Variants in GGCX observed in about 807,000 individuals in gnomAD.
GGCX encodes gamma-glutamyl carboxylase.
In GGCX, 63 loss-of-function variants were observed where a neutral mutation model predicts 88.5. The observed-to-expected ratio is 0.71, with a 90% CI of 0.58 to 0.88. The LOEUF is 0.88. Among genes scored for constraint, GGCX ranks in the 40% least tolerant of loss-of-function variants. The pLI, the probability that GGCX is intolerant of heterozygous loss-of-function variation, is 0.00. For missense variants in GGCX, 805 were observed against 932.9 expected, an observed-to-expected ratio of 0.86 and a Z score of 1.79; for synonymous variants, 368 against 365.8, an observed-to-expected ratio of 1.01 and a Z score of -0.07.
intron 14 of GGCX, 120 bp from the exon 15 acceptor site, chr2:85,550,246 C>T (rs1691872563): frequency 2.6e-6 from 2 of 755,514 alleles, no homozygotes; most frequent in Non-Finnish European, 2.3e-6. Context: ...ATGGGAATCT[C>T]CCCCCAAGTG....
At chr2:85,559,386 A>G (rs1300667254) in intron 2 of GGCX, among the ~76,000 whole-genome samples, 2 of 152,214 alleles carry the variant, frequency 1.3e-5, no homozygotes, top group African/African-American at 4.8e-5. Context: ...GGGTCTTGAC[A>G]GCTATAAAGA....
In GGCX at chr2:85,549,247, C is replaced by G. The variant is rs902509089; in HGVS notation, c.*687G>C. 1 of 152,484 alleles carries G rather than the reference C, an allele frequency of 6.6e-6. No homozygotes were observed. The highest frequency in any genetic ancestry group is 1.5e-5 in the Non-Finnish European group (1 of 68,248). 9.4% of individuals were successfully genotyped at this position (152,484 alleles called of 1,614,324 possible). A position where few individuals can be genotyped will look rare whatever the true frequency, so the allele number is the denominator to read the frequency against. ...TATGTCTTCGGGCAAATTATTTTAC[C>G]TCTCAGCCTAATGTAATAATGCAGG... On this transcript the variant is annotated 3_prime_UTR_variant, in exon 15 of 15. Transcript: ENST00000233838.
chr2:85,550,827 A>G (rs1691913064), intron 13 of GGCX, 77 bp from the exon 14 acceptor site: 1 of 1,578,080 alleles, frequency 6.3e-7, no homozygotes, highest in Admixed American at 1.7e-5. Context: ...TCTGCCAGCT[A>G]GAGACTTCAA....
In GGCX at chr2:85,549,827, A is replaced by AC; in HGVS notation, c.*106_*107insG. 1.2e-5 allele frequency: 3 copies of AC among 255,706 alleles called. No homozygotes were observed. The highest frequency in any genetic ancestry group is 1.4e-5 in the Non-Finnish European group (2 of 139,090). The allele number at this position is 255,706 out of a possible 1,614,324, so 15.8% of individuals were successfully genotyped here. A position where few individuals can be genotyped will look rare whatever the true frequency, so the allele number is the denominator to read the frequency against. On this transcript the variant is annotated 3_prime_UTR_variant, in exon 15 of 15. Transcript: ENST00000233838. ...AACAGCTTTAGAACCCCGCCCCCCC[A>AC]AAAAAAAAAAAAAAACTTTTGAGAA...
chr2:85,560,163 A>C (rs1249689916), intron 2 of GGCX, among the ~76,000 whole-genome samples: 1 of 152,172 alleles, frequency 6.6e-6, no homozygotes, highest in Non-Finnish European at 1.5e-5. Context: ...CTCAGTTAAG[A>C]AGCTCTTGAT....
At position 85,554,260 on chromosome 2, in the gene GGCX, C is replaced by T. The variant is rs1331313686; in HGVS notation, c.772G>A (p.Gly258Ser). ...ELTSLLVVHW[G>S]GLLLDLSAGF... ...GCTGAGAGGTCAAGCAGCAGCCCACCCCAGTGCACGACCAGCAGGCTAGTC... is the reference window on the plus strand; with the variant it reads ...GCTGAGAGGTCAAGCAGCAGCCCACTCCAGTGCACGACCAGCAGGCTAGTC... Residue 258 changes from glycine to serine, a missense_variant, in exon 7 of 15, where the codon GGT becomes AGT. By Grantham distance (56) the Gly-to-Ser change is moderately conservative. Around this residue, in one of 3 missense-constraint regions of GGCX, gnomAD observed 680 missense variants for 763.7 expected, o/e 0.89. Coordinates refer to ENST00000233838, the MANE Select transcript of GGCX (RefSeq NM_000821.7). 9 of 1,613,786 alleles carry T rather than the reference C, an allele frequency of 5.6e-6. No homozygotes were observed. The Admixed American group carries it at 1.0e-4, about 18-fold the overall frequency.
Position 85,556,219 on chromosome 2 carries a change from T to C in GGCX, c.581A>G (p.His194Arg). 6.2e-7 allele frequency: 1 copy of C among 1,613,346 alleles called. No individual in the cohort carries two copies. Reference sequence around the variant, plus strand: ...CACTGCATAGTTCCAAAGGGGCACGTGGGCATTCCTCCTATGGGCATTCAG... The same window carrying C: ...CACTGCATAGTTCCAAAGGGGCACGCGGGCATTCCTCCTATGGGCATTCAG... ...GLLNAHRRNA[H>R]VPLWNYAVLR... The change falls in exon 5 of 15, where the codon CAC becomes CGC. Residue 194 changes from histidine (H) to arginine (R), a missense_variant. This residue lies in a region of GGCX where 680 missense variants were observed against 763.7 expected (regional missense o/e 0.89). Coordinates refer to ENST00000233838, the MANE Select transcript of GGCX (RefSeq NM_000821.7).
intron 9 of GGCX, 122 bp from the exon 10 acceptor site, chr2:85,552,689 C>T: frequency 1.8e-6 from 2 of 1,117,476 alleles, no homozygotes; most frequent in Admixed American, 1.7e-5. Flanking sequence ...AAAAATGGAA[C>T]TTGCCTTTGG....
rs1342170024 is a variant in GGCX, at chr2:85,545,737, G to A, written c.*4197C>T. 6.8e-6 allele frequency: 1 copy of A among 147,872 alleles called. No homozygotes were observed. Among genetic ancestry groups the A allele is most frequent in the African/African-American group, 2.7e-5 (1 of 37,354 alleles). 9.2% of individuals were successfully genotyped at this position (147,872 alleles called of 1,614,324 possible). ...TAAAAACCGCTAAAAGTATTAACCT[G>A]GAAGTGGTAATGTCTATCTAAAGTC... is the stretch of plus-strand genomic sequence containing the variant. On this transcript the variant is annotated 3_prime_UTR_variant, in exon 15 of 15. Transcript: ENST00000233838.
At chr2:85,553,767 G>A (rs1420890811) in intron 7 of GGCX, 2 of 491,300 alleles carry the variant, frequency 4.1e-6, no homozygotes, top group Admixed American at 3.3e-5. Flanking sequence ...GCTCAGCTAA[G>A]TTTTTGTATT....
chr2:85,554,454 T>TTTTTTGTTG (rs112936952), intron 6 of GGCX, 148 bp from the exon 7 acceptor site: 5 of 645,594 alleles, frequency 7.7e-6, no homozygotes, highest in Middle Eastern at 4.1e-4. Context: ...CTCTAGGTTG[T>TTTTTTGTTG]TTGTTGTTGT....
chr2:85,553,235 G>T lies in GGCX; in HGVS notation c.1152C>A (p.Thr384=). The stretch of plus-strand genomic sequence containing the variant: ...ACACTCCACAGCCCCTACAAACCTG[G>T]GTGAGAAAATGAGAATAGGGCAGGA... ...QLFLPYSHFL[T]QGYNNWTNGL... The change falls in exon 8 of 15, where the codon ACC becomes ACA. Residue 384 remains threonine, a synonymous_variant. Coordinates refer to ENST00000233838, the MANE Select transcript of GGCX (RefSeq NM_000821.7). 1 of 1,614,208 alleles carries T rather than the reference G, an allele frequency of 6.2e-7. No homozygotes were observed. The highest frequency in any genetic ancestry group is 8.5e-7 in the Non-Finnish European group (1 of 1,180,008).
At chr2:85,559,146 T>G in intron 2 of GGCX, 71 bp from the exon 3 acceptor site, 1 of 1,272,948 alleles carries the variant, frequency 7.9e-7, no homozygotes, top group Non-Finnish European at 1.1e-6. Context: ...TGGAACACAG[T>G]TGACAGTGTG....
intron 3 of GGCX, 77 bp from the exon 4 acceptor site, chr2:85,558,682 G>T: frequency 8.5e-7 from 1 of 1,171,552 alleles, no homozygotes; most frequent in Non-Finnish European, 1.3e-6. Context: ...GATATGGTTG[G>T]AATTAAGAAA....
rs1691922459 is a variant in GGCX, at chr2:85,551,005, T to C, written c.1808A>G (p.Tyr603Cys). Residue 603 changes from tyrosine to cysteine, a missense_variant, in exon 13 of 15, where the codon TAT becomes TGT. Tyr to Cys is a radical substitution (Grantham distance 194). Coordinates refer to ENST00000233838, the MANE Select transcript of GGCX (RefSeq NM_000821.7). Reference sequence around the variant, plus strand: ...CAGTGCAAGCTCTGTAGTGTTGACATAGACGTACATGTAGCAAGAAGGGCT... The same window carrying C: ...CAGTGCAAGCTCTGTAGTGTTGACACAGACGTACATGTAGCAAGAAGGGCT... The part of the protein sequence containing the change: ...SPSPSCYMYV[Y>C]VNTTELALEQ... The C allele has an allele frequency of 1.9e-6, 3 of 1,613,634 alleles. No individual in the cohort carries two copies. Among genetic ancestry groups the C allele is most frequent in the Non-Finnish European group, 2.5e-6 (3 of 1,179,520 alleles).
At chr2:85,550,822 C>T in intron 13 of GGCX, 72 bp from the exon 14 acceptor site, 1 of 1,579,236 alleles carries the variant, frequency 6.3e-7, no homozygotes, top group East Asian at 2.2e-5. Context: ...CCTCTTCTGC[C>T]AGCTAGAGAC....
chr2:85,558,638 A>G, intron 3 of GGCX, 33 bp from the exon 4 acceptor site: 1 of 1,562,988 alleles, frequency 6.4e-7, no homozygotes, highest in African/African-American at 1.4e-5. Flanking sequence ...TAAGAGGTCA[A>G]GAGATCACCA....
chr2:85,554,454 T>TTGTTG (rs1558809384), intron 6 of GGCX, 148 bp from the exon 7 acceptor site: 4 of 645,594 alleles, frequency 6.2e-6, no homozygotes, highest in Non-Finnish European at 1.1e-5. Context: ...CTCTAGGTTG[T>TTGTTG]TTGTTGTTGT....
chr2:85,558,927 G>T lies in GGCX; in HGVS notation c.363C>A (p.Ile121=), dbSNP rs747290353. 6 of 1,613,696 alleles carry T rather than the reference G, an allele frequency of 3.7e-6. No homozygotes were observed. The highest frequency in any genetic ancestry group is 1.7e-5 in the Admixed American group (1 of 60,022). Residue 121 remains isoleucine, a synonymous_variant, in exon 3 of 15, where the codon ATC becomes ATA. Coordinates refer to ENST00000233838, the MANE Select transcript of GGCX (RefSeq NM_000821.7). ...PLDWMYLVYT[I]MFLGALGMML... is the part of the protein sequence containing the mutation. Reference sequence around the variant, plus strand: ...CACAGTTCCCCTCACCCAGAAACATGATGGTGTAGACAAGATACATCCAGT... The same window carrying T: ...CACAGTTCCCCTCACCCAGAAACATTATGGTGTAGACAAGATACATCCAGT...
Sources: allele counts gnomAD v4.1 joint callset (sites outside exome capture counted in the v4.1 genomes callset), GRCh38; gene constraint gnomAD v4.1.1; regional missense constraint gnomAD v4.1.1; transcripts MANE v1.5; gene names NCBI Gene and HGNC (gene_info 2026-07-23, HGNC 2026-07-21).